Variants in CREBRF observed in about 807,000 individuals in gnomAD.
CREBRF encodes the protein UPF0474 protein C5orf41.
Under a neutral mutation model 66.1 loss-of-function variants are expected in CREBRF, and 5 were observed. That is an observed-to-expected ratio of 0.08 (90% CI 0.04 to 0.16). CREBRF has a LOEUF of 0.16. Among genes scored for constraint, CREBRF ranks in the 10% least tolerant of loss-of-function variants. CREBRF has a pLI of 1.00. For missense variants in CREBRF, 531 were observed against 744.9 expected (o/e 0.71, Z 3.34); for synonymous variants, 229 against 264.4 (o/e 0.87, Z 1.30).
intron 7 of CREBRF, among the ~76,000 whole-genome samples, chr5:173,119,496 C>T (rs1195191768): frequency 6.6e-6 from 1 of 152,078 alleles, no homozygotes; most frequent in Admixed American, 6.6e-5. Flanking sequence ...ATATATAAAA[C>T]ATATTTTTGT....
At position 173,080,742 on chromosome 5, in the gene CREBRF, T is replaced by C; in HGVS notation, c.-34T>C. ...ATTTACAAACAAGAAAAAAAAGAAG[T>C]TTGGAATCGGATTCACAGGATCTGG... is the stretch of plus-strand genomic sequence containing the variant. On this transcript the variant is annotated 5_prime_UTR_variant, in exon 2 of 9. Coordinates refer to ENST00000296953, the MANE Select transcript of CREBRF (RefSeq NM_153607.3). 6.2e-7 allele frequency: 1 copy of C among 1,610,488 alleles called. No individual in the cohort carries two copies. The highest frequency in any genetic ancestry group is 8.5e-7 in the Non-Finnish European group (1 of 1,178,020).
At chr5:173,061,008 C>G (rs141017837) in intron 1 of CREBRF, among the ~76,000 whole-genome samples, 1 of 152,116 alleles carries the variant, frequency 6.6e-6, no homozygotes, top group African/African-American at 2.4e-5. Flanking sequence ...AGTTCTGTCC[C>G]CCCTGCTGGA....
intron 4 of CREBRF, among the ~76,000 whole-genome samples, chr5:173,096,436 C>T (rs1758477938): frequency 1.4e-5 from 1 of 71,784 alleles, no homozygotes; most frequent in Admixed American, 1.3e-4. Flanking sequence ...CCTTCCCTTC[C>T]CTCCCCTCCC....
At chr5:173,123,277 GTTCT>G in intron 8 of CREBRF, 75 bp downstream of exon 8, 1 of 1,437,366 alleles carries the variant, frequency 7.0e-7, no homozygotes, top group Non-Finnish European at 9.3e-7. Context: ...GATATTAAAA[GTTCT>G]TTTAGTTTAA....
chr5:173,086,539 C>T lies in CREBRF; in HGVS notation c.48C>T (p.Ala16=). The T allele has an allele frequency of 6.2e-7, 1 of 1,613,896 alleles. No homozygotes were observed. The highest frequency in any genetic ancestry group is 8.5e-7 in the Non-Finnish European group (1 of 1,179,880). ...VSGMDPPFGD[A]FRSHTFSEQT... is the part of the protein sequence containing the mutation. ...GAATGGATCCGCCTTTCGGGGATGC[C>T]TTTCGAAGCCACACCTTTTCGGAAC... The change falls in exon 3 of 9, where the codon GCC becomes GCT. Residue 16 remains alanine (A), a synonymous_variant. Transcript: ENST00000296953.
intron 1 of CREBRF, among the ~76,000 whole-genome samples, chr5:173,068,410 T>C (rs911406173): frequency 6.6e-6 from 1 of 152,240 alleles, no homozygotes; most frequent in African/African-American, 2.4e-5. Context: ...CAGATATACA[T>C]ACAAATTTTA....
intron 1 of CREBRF, among the ~76,000 whole-genome samples, chr5:173,056,984 G>A (rs1356941961): frequency 1.3e-5 from 2 of 151,840 alleles, no homozygotes; most frequent in Non-Finnish European, 1.5e-5. Flanking sequence ...GAGCCAGGCT[G>A]GCAGGAGACG....
chr5:173,100,078 T>TTTTGTG (rs1554125224), intron 4 of CREBRF, among the ~76,000 whole-genome samples: 1 of 69,134 alleles, frequency 1.4e-5, no homozygotes, highest in Admixed American at 1.9e-4. Context: ...GGCTAATCTT[T>TTTTGTG]TGTGTGTGTG....
At chr5:173,064,844 G>A (rs1418290855) in intron 1 of CREBRF, among the ~76,000 whole-genome samples, 1 of 152,130 alleles carries the variant, frequency 6.6e-6, no homozygotes, top group Non-Finnish European at 1.5e-5. Flanking sequence ...GATTACAGGT[G>A]TGAGCCACTG....
chr5:173,087,486 A>G (rs889710960), intron 3 of CREBRF, among the ~76,000 whole-genome samples: 32 of 141,410 alleles, frequency 2.3e-4, no homozygotes, highest in Admixed American at 8.5e-4. Context: ...TCATGAGGTC[A>G]GGAGATTGAG....
intron 1 of CREBRF, among the ~76,000 whole-genome samples, chr5:173,070,885 G>T (rs148598761): frequency 6.6e-6 from 1 of 152,056 alleles, no homozygotes; most frequent in Non-Finnish European, 1.5e-5. Context: ...GTGGTCTTAG[G>T]GGATTTTCCC....
rs556057363 is a variant in CREBRF, at chr5:173,084,049, A to G, written c.10-2452A>G. On this transcript the variant is annotated intron_variant, in intron 2 of 8. Coordinates refer to ENST00000296953, the MANE Select transcript of CREBRF (RefSeq NM_153607.3). ...GTGGCCTAGAAAACAGAGGGGCAAGACAGGCTTCACCCACTTTCATGAGTT... is the reference window on the plus strand; with the variant it reads ...GTGGCCTAGAAAACAGAGGGGCAAGGCAGGCTTCACCCACTTTCATGAGTT... 7.2e-5 allele frequency among the ~76,000 whole-genome samples: 11 copies of G among 152,346 alleles called. No individual in the cohort carries two copies. The East Asian group carries it at 1.9e-3, about 27-fold the overall frequency.
chr5:173,101,521 C>T (rs1758627351), intron 4 of CREBRF, among the ~76,000 whole-genome samples: 1 of 151,830 alleles, frequency 6.6e-6, no homozygotes. Flanking sequence ...TTTGACTTTC[C>T]AGAATTTGAT....
At chr5:173,071,548 G>T (rs376472929) in intron 1 of CREBRF, among the ~76,000 whole-genome samples, 1 of 151,438 alleles carries the variant, frequency 6.6e-6, no homozygotes, top group East Asian at 2.0e-4. Flanking sequence ...CTCACTTTGT[G>T]GGCCAGGCTT....
intron 4 of CREBRF, among the ~76,000 whole-genome samples, chr5:173,099,494 A>C (rs1342587040): frequency 6.6e-6 from 1 of 152,180 alleles, no homozygotes; most frequent in Non-Finnish European, 1.5e-5. Flanking sequence ...TCTTGTGGGC[A>C]ACATAGAGTT....
At chr5:173,074,823 G>A (rs1270976174) in intron 1 of CREBRF, among the ~76,000 whole-genome samples, 4 of 152,070 alleles carry the variant, frequency 2.6e-5, no homozygotes, top group African/African-American at 9.7e-5. Context: ...GTTTCGCCAT[G>A]TTGGCCAGGC....
At chr5:173,071,314 C>T (rs1003755984) in intron 1 of CREBRF, among the ~76,000 whole-genome samples, 2 of 152,084 alleles carry the variant, frequency 1.3e-5, no homozygotes, top group Admixed American at 1.3e-4. Context: ...TGGGTTCAAA[C>T]GATTCTCCTT....
intron 2 of CREBRF, among the ~76,000 whole-genome samples, chr5:173,082,401 G>A (rs1757981612): frequency 6.6e-6 from 1 of 151,790 alleles, no homozygotes; most frequent in South Asian, 2.1e-4. Context: ...TAGGAAGAAA[G>A]GTTCTGCAGG....
chr5:173,059,556 G>A (rs974810432), intron 1 of CREBRF, among the ~76,000 whole-genome samples: 1 of 152,122 alleles, frequency 6.6e-6, no homozygotes, highest in African/African-American at 2.4e-5. Context: ...GAGCCACCGC[G>A]CCTGGCCTAT....
Sources: allele counts gnomAD v4.1 joint callset (sites outside exome capture counted in the v4.1 genomes callset), GRCh38; gene constraint gnomAD v4.1.1; transcripts MANE v1.5; gene names NCBI Gene and HGNC (gene_info 2026-07-23, HGNC 2026-07-21).